NSD2: variants seen among roughly 807,000 people sequenced by gnomAD.
NSD2 encodes the protein histone-lysine N-methyltransferase NSD2.
NSD2 carries 12 observed loss-of-function variants against 139.0 expected under a neutral mutation model. The ratio of observed to expected loss-of-function variants is 0.09; its 90% CI spans 0.06 to 0.14. NSD2 has a LOEUF of 0.14. Among genes scored for constraint, NSD2 ranks in the 10% least tolerant of loss-of-function variants. The pLI, the probability that NSD2 is intolerant of heterozygous loss-of-function variation, is 1.00. For synonymous variants in NSD2, 669 were observed against 648.7 expected (o/e 1.03, Z -0.48); for missense variants, 1,155 against 1,745.0 (o/e 0.66, Z 6.02).
At chr4:1,959,136 T>C (rs572827873) in intron 16 of NSD2, among the ~76,000 whole-genome samples, 16 of 152,282 alleles carry the variant, frequency 1.1e-4, no homozygotes, top group Admixed American at 3.9e-4. Context: ...CACCCTGCAG[T>C]GTACTAAGCA....
intron 1 of NSD2, among the ~76,000 whole-genome samples, chr4:1,883,491 G>A (rs1714852298): frequency 6.6e-6 from 1 of 152,070 alleles, no homozygotes; most frequent in African/African-American, 2.4e-5. Flanking sequence ...AAATAGCTGG[G>A]CGTGGTGGCG....
At chr4:1,927,475 T>C (rs1380589455) in intron 5 of NSD2, among the ~76,000 whole-genome samples, 1 of 152,018 alleles carries the variant, frequency 6.6e-6, no homozygotes, top group Non-Finnish European at 1.5e-5. Flanking sequence ...CCCAGCACTT[T>C]GGGAGGCCAT....
chr4:1,879,674 G>A (rs936248715), intron 1 of NSD2, among the ~76,000 whole-genome samples: 5 of 152,024 alleles, frequency 3.3e-5, no homozygotes, highest in Non-Finnish European at 5.9e-5. Context: ...GCCGTGCCCT[G>A]TCCCATGGAT....
At chr4:1,939,103 G>T (rs763550891) in intron 8 of NSD2, among the ~76,000 whole-genome samples, 2 of 151,908 alleles carry the variant, frequency 1.3e-5, no homozygotes, top group Non-Finnish European at 2.9e-5. Context: ...TTAATTAAAA[G>T]GAAAACAAAA....
chr4:1,954,482 C>T (rs984939452), intron 12 of NSD2: 4 of 152,182 alleles, frequency 2.6e-5, no homozygotes, highest in African/African-American at 9.7e-5. Flanking sequence ...CCCACCTAAG[C>T]CTCTCAAGTA....
chr4:1,896,192 C>T (rs533417884), intron 1 of NSD2, among the ~76,000 whole-genome samples: 104 of 152,346 alleles, frequency 6.8e-4, no homozygotes, highest in Non-Finnish European at 1.1e-3. Flanking sequence ...GACTCCTCTC[C>T]TTCGGGCTCT....
intron 5 of NSD2, among the ~76,000 whole-genome samples, chr4:1,929,141 G>A (rs1346137994): frequency 1.3e-5 from 2 of 152,050 alleles, no homozygotes; most frequent in Non-Finnish European, 2.9e-5. Flanking sequence ...GTGGGTGTTG[G>A]TGTCCAGGCC....
Position 1,974,528 on chromosome 4 carries a change from TCTTGTC to T in NSD2, c.3373-330_3373-325del. ...TGCGCCCAGCCAGGGTGAGTCTTGT[TCTTGTC>T]CTTGAGTGCCACTTGGCTAGGCTGT... On this transcript the variant is annotated intron_variant, in intron 18 of 21. Transcript: ENST00000508803. The surrounding 1 kb of genome is among the most constrained non-coding windows in gnomAD (Gnocchi z 4.0). The T allele has an allele frequency of 2.3e-6, 1 of 440,678 alleles. No individual in the cohort carries two copies. The highest frequency in any genetic ancestry group is 1.9e-5 in the South Asian group (1 of 52,520). 27.3% of individuals were successfully genotyped at this position (440,678 alleles called of 1,614,324 possible).
At position 1,976,674 on chromosome 4, in the gene NSD2, C is replaced by T. The variant is rs1251301694; in HGVS notation, c.3821C>T (p.Pro1274Leu). 1.3e-6 allele frequency: 2 copies of T among 1,578,508 alleles called. No homozygotes were observed. Among genetic ancestry groups the T allele is most frequent in the Admixed American group, 3.7e-5 (2 of 54,266 alleles). ...HLSCLGLGKR[P>L]FGKWECPWHH... is the part of the protein sequence containing the mutation. The stretch of plus-strand genomic sequence containing the variant: ...TCCTGCCTGGGCCTTGGCAAGCGGC[C>T]CTTCGGTGGGTGTGCAGCCTCGCGG... Residue 1274 changes from proline (P) to leucine (L), a missense_variant, in exon 21 of 22, where the codon CCC becomes CTC. By Grantham distance (98) the Pro-to-Leu change is moderately conservative. This residue lies in a region of NSD2 where 25 missense variants were observed against 75.1 expected (regional missense o/e 0.33). Transcript: ENST00000508803. This position sits in a 1 kb window ranked among gnomAD's most constrained non-coding sequence, Gnocchi z 5.3.
chr4:1,872,362 C>T (rs1266707759), intron 1 of NSD2, among the ~76,000 whole-genome samples: 1 of 152,178 alleles, frequency 6.6e-6, no homozygotes, highest in Non-Finnish European at 1.5e-5. Flanking sequence ...GCTCCACTCA[C>T]AGGAACCGTG....
intron 18 of NSD2, among the ~76,000 whole-genome samples, chr4:1,965,712 G>C (rs999515774): frequency 5.9e-5 from 9 of 152,170 alleles, no homozygotes; most frequent in African/African-American, 2.2e-4. Context: ...ACATAACAGG[G>C]GAGGCCTCAA....
At chr4:1,898,889 A>G (rs892473388) in intron 1 of NSD2, among the ~76,000 whole-genome samples, 1 of 152,040 alleles carries the variant, frequency 6.6e-6, no homozygotes, top group Non-Finnish European at 1.5e-5. Context: ...CACACATTTC[A>G]AAATGGAGTT....
At position 1,958,584 on chromosome 4, in the gene NSD2, A is replaced by AT. The variant is rs1725063020; in HGVS notation, c.2985+549dup. 6.6e-6 allele frequency among the ~76,000 whole-genome samples: 1 copy of AT among 152,362 alleles called. No individual in the cohort carries two copies. Among genetic ancestry groups the AT allele is most frequent in the South Asian group, 2.1e-4 (1 of 4,834 alleles). On this transcript the variant is annotated intron_variant, in intron 16 of 21. Transcript: ENST00000508803. The surrounding 1 kb of genome is among the most constrained non-coding windows in gnomAD (Gnocchi z 4.6). Reference sequence around the variant, plus strand: ...GCTCAGAGCTGGTGCGGCAAGCCGCATCCCCAGGAGCCTCGTGGCCGTTCC... The same window carrying AT: ...GCTCAGAGCTGGTGCGGCAAGCCGCATTCCCCAGGAGCCTCGTGGCCGTTCC...
chr4:1,908,889 C>T (rs1353657725), intron 3 of NSD2, among the ~76,000 whole-genome samples: 1 of 152,152 alleles, frequency 6.6e-6, no homozygotes, highest in Non-Finnish European at 1.5e-5. Context: ...AGGTCATCTT[C>T]TTCCTGCCTT....
rs191189059 is a variant in NSD2, at chr4:1,909,076, A to G, written c.760+4698A>G. Among the ~76,000 whole-genome samples the G allele has an allele frequency of 2.1e-3, 327 of 152,258 alleles. 1 individual carries two copies. Among genetic ancestry groups the G allele is most frequent in the Non-Finnish European group, 1.1e-3 (78 of 68,026 alleles). ...GAAAATGAGCTCCTCCCTAAAAAAA[A>G]AAGAGTTATATATTTTAGTTCTTAT... On this transcript the variant is annotated intron_variant, in intron 3 of 21. Transcript: ENST00000508803.
chr4:1,973,825 T>C lies in NSD2; in HGVS notation c.3373-1038T>C, dbSNP rs1289796935. On this transcript the variant is annotated intron_variant, in intron 18 of 21. Coordinates refer to ENST00000508803, the MANE Select transcript of NSD2 (RefSeq NM_001042424.3). The surrounding 1 kb of genome is among the most constrained non-coding windows in gnomAD (Gnocchi z 5.5). ...GTTTGAACACGTGACTGTTACGCTT[T>C]ATGTGGCCTTTTGATTTCTCCCCAC... is the stretch of plus-strand genomic sequence containing the variant. Among the ~76,000 whole-genome samples the C allele has an allele frequency of 2.6e-5, 4 of 152,256 alleles. No individual in the cohort carries two copies. The East Asian group carries it at 7.7e-4, about 29-fold the overall frequency.
At chr4:1,959,996 G>GTGTTCCAAAAC (rs1725209305) in intron 17 of NSD2, among the ~76,000 whole-genome samples, 2 of 152,032 alleles carry the variant, frequency 1.3e-5, no homozygotes, top group African/African-American at 2.4e-5. Context: ...AAGCAGCTGG[G>GTGTTCCAAAAC]ACTACAGGCG....
At chr4:1,920,176 G>A (rs770570451) in intron 5 of NSD2, among the ~76,000 whole-genome samples, 23 of 152,230 alleles carry the variant, frequency 1.5e-4, no homozygotes, top group Middle Eastern at 3.4e-3. Context: ...GTGGCTGGGC[G>A]TGGTGGCTCC....
rs1287863058 is a variant in NSD2, at chr4:1,904,385, T to A, written c.760+7T>A. ...AGCTATACCAAACTTAAAGGTATTG[T>A]GTTCTTTGGGTTGTTTTTCCAACTT... On this transcript the variant is annotated splice_region_variant and intron_variant, in intron 3 of 21. Coordinates refer to ENST00000508803, the MANE Select transcript of NSD2 (RefSeq NM_001042424.3). 6.2e-7 allele frequency: 1 copy of A among 1,603,004 alleles called. No individual in the cohort carries two copies. Among genetic ancestry groups the A allele is most frequent in the East Asian group, 2.2e-5 (1 of 44,638 alleles).
Sources: gnomAD v4.1 joint callset for allele counts (sites outside exome capture counted in the v4.1 genomes callset) on GRCh38, gnomAD v4.1.1 for gene constraint, gnomAD v4.1.1 regional missense constraint, Gnocchi (gnomAD v3.1) non-coding constraint, MANE v1.5 for transcripts, NCBI Gene and HGNC (gene_info 2026-07-23, HGNC 2026-07-21) for gene names.